The following BRD10 variants were observed in gnomAD, a reference collection of about 807,000 sequenced individuals.
BRD10 encodes the protein bromodomain containing 10.
the BRD10 span, chr9:5,908,933 A>T: frequency 1.9e-5 from 10 of 534,470 alleles, no homozygotes; most frequent in Non-Finnish European, 3.3e-5. Flanking sequence ...TAAATGTTGC[A>T]ATGCATGATA....
chr9:5,879,760 C>T, the BRD10 span, among the ~76,000 whole-genome samples: 23 of 152,214 alleles, frequency 1.5e-4, no homozygotes, highest in African/African-American at 5.3e-4. Context: ...TGGTCAGCCT[C>T]TCTAGGTTCT....
At chr9:5,989,773 C>G in the BRD10 span, among the ~76,000 whole-genome samples, 2 of 152,218 alleles carry the variant, frequency 1.3e-5, no homozygotes, top group Admixed American at 6.5e-5. Context: ...AAGCGATCAG[C>G]CCACCTTGGC....
chr9:5,994,399 A>G, the BRD10 span, among the ~76,000 whole-genome samples: 2 of 152,206 alleles, frequency 1.3e-5, no homozygotes, highest in Non-Finnish European at 2.9e-5. Flanking sequence ...TACCTCACAC[A>G]CAAAAAGGTT....
chr9:5,911,976 G>A, the BRD10 span, among the ~76,000 whole-genome samples: 6 of 152,072 alleles, frequency 3.9e-5, no homozygotes, highest in African/African-American at 1.2e-4. Flanking sequence ...GATTGCTTTG[G>A]GTAGCATGGA....
At chr9:5,903,784 TCTC>T in the BRD10 span, among the ~76,000 whole-genome samples, 5 of 152,216 alleles carry the variant, frequency 3.3e-5, no homozygotes, top group African/African-American at 1.2e-4. Context: ...TTCCTTGAAA[TCTC>T]CTTCTGAAAC....
At chr9:5,970,079 C>T in the BRD10 span, among the ~76,000 whole-genome samples, 13,887 of 152,106 alleles carry the variant, frequency 0.091, 735 homozygotes, top group Middle Eastern at 0.14. Flanking sequence ...CACATAAAAG[C>T]TGTAAGATAT....
chr9:5,932,638 G>A, the BRD10 span, among the ~76,000 whole-genome samples: 1 of 152,106 alleles, frequency 6.6e-6, no homozygotes, highest in African/African-American at 2.4e-5. Flanking sequence ...GAACATACAT[G>A]GATTTTGGTA....
chr9:5,932,380 T>C, the BRD10 span, among the ~76,000 whole-genome samples: 9 of 152,148 alleles, frequency 5.9e-5, no homozygotes, highest in African/African-American at 2.2e-4. Context: ...GGAAGTACAG[T>C]TGACCCTAGG....
chr9:6,000,652 G>A, the BRD10 span, among the ~76,000 whole-genome samples: 1 of 143,496 alleles, frequency 7.0e-6, no homozygotes, highest in African/African-American at 2.4e-5. Flanking sequence ...TCAAATGGAA[G>A]AACAATCTTT....
the BRD10 span, among the ~76,000 whole-genome samples, chr9:5,935,457 T>A: frequency 6.6e-6 from 1 of 152,202 alleles, no homozygotes; most frequent in Non-Finnish European, 1.5e-5. Context: ...GAAGAAAATC[T>A]AACAATATAC....
the BRD10 span, among the ~76,000 whole-genome samples, chr9:5,937,470 G>C: frequency 6.6e-6 from 1 of 152,164 alleles, no homozygotes; most frequent in Non-Finnish European, 1.5e-5. Context: ...GGGAGGCAGA[G>C]GTTGCAGTGA....
the BRD10 span, among the ~76,000 whole-genome samples, chr9:5,983,612 A>T: frequency 3.3e-5 from 5 of 152,210 alleles, no homozygotes; most frequent in African/African-American, 1.2e-4. Context: ...TATATTCAGT[A>T]AACAGTTCAC....
At chr9:5,920,453 G>C in the BRD10 span, 3 of 1,613,902 alleles carry the variant, frequency 1.9e-6, no homozygotes, top group African/African-American at 2.7e-5. Context: ...GTGAATGGTA[G>C]TGCCACCTGG....
the BRD10 span, among the ~76,000 whole-genome samples, chr9:5,960,481 G>A: frequency 6.6e-6 from 1 of 151,484 alleles, no homozygotes; most frequent in African/African-American, 2.4e-5. Context: ...AGAATTGCTT[G>A]AACCCAGGAG....
At chr9:5,892,529 C>G in the BRD10 span, 1 of 1,613,598 alleles carries the variant, frequency 6.2e-7, no homozygotes, top group East Asian at 2.2e-5. Flanking sequence ...GGGGCACGGC[C>G]ACTCTTACAC....
the BRD10 span, chr9:5,968,655 A>C: frequency 2.5e-5 from 41 of 1,613,772 alleles, no homozygotes; most frequent in Non-Finnish European, 3.3e-5. Flanking sequence ...TCTCTGCTAC[A>C]TCTATGTTCT....
chr9:5,966,557 T>G, the BRD10 span, among the ~76,000 whole-genome samples: 1 of 140,836 alleles, frequency 7.1e-6, no homozygotes, highest in Non-Finnish European at 1.5e-5. Context: ...CCTCCCGGGT[T>G]GAAGCAATTC....
the BRD10 span, chr9:6,007,048 G>C: frequency 1.3e-6 from 1 of 793,960 alleles, no homozygotes; most frequent in African/African-American, 1.7e-5. Context: ...TCCCCGCCCA[G>C]CGCCGCTCCT....
chr9:5,972,010 C>T, the BRD10 span, among the ~76,000 whole-genome samples: 5 of 152,102 alleles, frequency 3.3e-5, no homozygotes, highest in Non-Finnish European at 5.9e-5. Flanking sequence ...AAAAACATCA[C>T]ACTAAGAAAT....
Sources: allele counts gnomAD v4.1 joint callset (sites outside exome capture counted in the v4.1 genomes callset), GRCh38; gene constraint gnomAD v4.1.1; transcripts MANE v1.5; gene names NCBI Gene and HGNC (gene_info 2026-07-23, HGNC 2026-07-21).